ESRRG: variants seen among roughly 807,000 people sequenced by gnomAD.
The protein encoded by ESRRG is estrogen-related receptor gamma.
Under a neutral mutation model 44.0 loss-of-function variants are expected in ESRRG, and 13 were observed. The ratio of observed to expected loss-of-function variants is 0.30; its 90% CI spans 0.19 to 0.47. The LOEUF is 0.47. Among genes scored for constraint, ESRRG ranks in the 20% least tolerant of loss-of-function variants. The pLI, the probability that ESRRG is intolerant of heterozygous loss-of-function variation, is 1.00. For missense variants in ESRRG, 395 were observed against 580.6 expected (o/e 0.68, Z 3.29); for synonymous variants, 215 against 214.6 (o/e 1.00, Z -0.02).
intron 2 of ESRRG, among the ~76,000 whole-genome samples, chr1:216,907,138 G>A (rs2059770289): frequency 1.3e-5 from 2 of 152,190 alleles, no homozygotes. Flanking sequence ...CATGCAGCAG[G>A]ACTGAGGAAA....
At chr1:216,791,596 T>C (rs1393583359) in intron 2 of ESRRG, among the ~76,000 whole-genome samples, 2 of 152,132 alleles carry the variant, frequency 1.3e-5, no homozygotes, top group Non-Finnish European at 2.9e-5. Flanking sequence ...ATCAATACAT[T>C]GGAGCCATAG....
intron 3 of ESRRG, among the ~76,000 whole-genome samples, chr1:216,569,943 G>A (rs1028345570): frequency 3.9e-5 from 6 of 152,092 alleles, no homozygotes; most frequent in Admixed American, 1.3e-4. Flanking sequence ...TTGGAATACC[G>A]ATTAATGTCA....
At chr1:216,848,747 T>C (rs1046016914) in intron 2 of ESRRG, among the ~76,000 whole-genome samples, 1 of 152,134 alleles carries the variant, frequency 6.6e-6, no homozygotes, top group Admixed American at 6.6e-5. Context: ...TCGGAAAATA[T>C]TTGTCTCTGT....
chr1:216,767,249 A>C (rs1349255024), intron 2 of ESRRG, among the ~76,000 whole-genome samples: 1 of 152,116 alleles, frequency 6.6e-6, no homozygotes, highest in Non-Finnish European at 1.5e-5. Context: ...CTTCTAAAAA[A>C]AGAAAAGAAA....
intron 1 of ESRRG, among the ~76,000 whole-genome samples, chr1:216,957,416 T>A (rs2068161428): frequency 6.6e-6 from 1 of 152,188 alleles, no homozygotes; most frequent in Non-Finnish European, 1.5e-5. Flanking sequence ...ATTTGTCTAA[T>A]ATGCATCTCA....
At chr1:216,936,718 GA>G (rs1578363921) in intron 2 of ESRRG, 1 of 150,028 alleles carries the variant, frequency 6.7e-6, no homozygotes, top group East Asian at 1.9e-4. Context: ...AAAAAAAAAA[GA>G]AGAAGGAGAA....
At chr1:216,702,659 C>T (rs1292770370) in intron 1 of ESRRG, among the ~76,000 whole-genome samples, 1 of 149,562 alleles carries the variant, frequency 6.7e-6, no homozygotes, top group Non-Finnish European at 1.5e-5. Flanking sequence ...TGCCTGTAAT[C>T]CCAGCTACTC....
intron 1 of ESRRG, among the ~76,000 whole-genome samples, chr1:216,703,321 T>C (rs763097136): frequency 1.3e-5 from 2 of 152,120 alleles, no homozygotes; most frequent in Non-Finnish European, 2.9e-5. Context: ...AAATCACACA[T>C]AAAAATCTTA....
intron 1 of ESRRG, among the ~76,000 whole-genome samples, chr1:216,987,032 G>A (rs901432801): frequency 2.0e-5 from 3 of 152,156 alleles, no homozygotes; most frequent in African/African-American, 4.8e-5. Context: ...TGTTGTCAAA[G>A]AAGAGGCAAT....
Position 216,506,922 on chromosome 1 carries a change from G to C in ESRRG, c.*17C>G, listed in dbSNP as rs868130728. The C allele has an allele frequency of 6.2e-7, 1 of 1,609,660 alleles. No individual in the cohort carries two copies. The highest frequency in any genetic ancestry group is 1.7e-4 in the Middle Eastern group (1 of 6,024). On this transcript the variant is annotated 3_prime_UTR_variant, in exon 7 of 7. Coordinates refer to ENST00000408911, the MANE Select transcript of ESRRG (RefSeq NM_001438.4). Reference sequence around the variant, plus strand: ...CTTTTTCAACATGAAGGATGGGAAGGCCCAGGGAGCTTTTAGTCAGACCTT... The same window carrying C: ...CTTTTTCAACATGAAGGATGGGAAGCCCCAGGGAGCTTTTAGTCAGACCTT...
chr1:216,523,425 T>C (rs1365951141), intron 5 of ESRRG, among the ~76,000 whole-genome samples: 1 of 151,848 alleles, frequency 6.6e-6, no homozygotes, highest in Non-Finnish European at 1.5e-5. Context: ...GTGCCAACCG[T>C]CTTGCCTTCT....
intron 2 of ESRRG, among the ~76,000 whole-genome samples, chr1:216,892,825 C>T (rs2057981506): frequency 6.6e-6 from 1 of 152,074 alleles, no homozygotes; most frequent in African/African-American, 2.4e-5. Context: ...CACCACCCGC[C>T]CTGCTTGGCA....
intron 1 of ESRRG, among the ~76,000 whole-genome samples, chr1:217,066,431 C>T (rs993193775): frequency 2.0e-5 from 3 of 151,432 alleles, no homozygotes; most frequent in Admixed American, 6.6e-5. Context: ...TTAGTAGAGA[C>T]GGGATTTCAC....
chr1:216,617,939 A>C (rs1030697639), intron 3 of ESRRG, among the ~76,000 whole-genome samples: 6 of 152,212 alleles, frequency 3.9e-5, no homozygotes. Flanking sequence ...ATTCTATGGT[A>C]CAGCAATATG....
intron 1 of ESRRG, chr1:217,000,103 A>T (rs2076840075): frequency 6.6e-6 from 1 of 152,238 alleles, no homozygotes; most frequent in Non-Finnish European, 1.5e-5. Context: ...TACATGTAAA[A>T]TGTACTAAGT....
intron 3 of ESRRG, among the ~76,000 whole-genome samples, chr1:216,595,752 A>T (rs553880788): frequency 6.6e-6 from 1 of 152,304 alleles, no homozygotes; most frequent in East Asian, 1.9e-4. Flanking sequence ...TTTATGCTTA[A>T]ACTCCCTCAA....
chr1:216,722,948 T>A (rs2086671539), intron 1 of ESRRG, among the ~76,000 whole-genome samples: 1 of 152,212 alleles, frequency 6.6e-6, no homozygotes, highest in African/African-American at 2.4e-5. Context: ...TCACTAAGCA[T>A]TTGTGCCAAG....
chr1:216,531,180 A>G (rs929224558), intron 5 of ESRRG, among the ~76,000 whole-genome samples: 1 of 152,172 alleles, frequency 6.6e-6, no homozygotes, highest in Admixed American at 6.5e-5. Flanking sequence ...ATGAAATTAT[A>G]GCATGCTGAC....
At chr1:217,006,686 C>A (rs149391288) in intron 1 of ESRRG, among the ~76,000 whole-genome samples, 1 of 152,022 alleles carries the variant, frequency 6.6e-6, no homozygotes, top group Non-Finnish European at 1.5e-5. Context: ...CTTATATGCA[C>A]GGCCTAAAGG....
Sources: allele counts gnomAD v4.1 joint callset (sites outside exome capture counted in the v4.1 genomes callset), GRCh38; gene constraint gnomAD v4.1.1; transcripts MANE v1.5; gene names NCBI Gene and HGNC (gene_info 2026-07-23, HGNC 2026-07-21).